Variants in TRANK1 observed in about 807,000 individuals in gnomAD.
TRANK1 encodes tetratricopeptide repeat and ankyrin repeat containing 1.
In TRANK1, 198 loss-of-function variants were observed where a neutral mutation model predicts 266.0. That is an observed-to-expected ratio of 0.74 (90% CI 0.66 to 0.84). TRANK1 has a LOEUF of 0.84. Among genes scored for constraint, TRANK1 ranks in the 40% least tolerant of loss-of-function variants. TRANK1 has a pLI of 0.00. For synonymous variants in TRANK1, 1,396 were observed against 1,384.1 expected (o/e 1.01, Z -0.19); for missense variants, 3,326 against 3,634.6 (o/e 0.92, Z 2.18).
chr3:36,888,474 T>C (rs2079639217), intron 8 of TRANK1, among the ~76,000 whole-genome samples: 2 of 152,234 alleles, frequency 1.3e-5, no homozygotes, highest in Admixed American at 6.5e-5. Flanking sequence ...AGGTAAATTA[T>C]ATAGTATATG....
chr3:36,879,781 A>AATATACAAAT lies in TRANK1; in HGVS notation c.908-5486_908-5485insATTTGTATAT, dbSNP rs1295088679. The stretch of plus-strand genomic sequence containing the variant: ...ATATAAATATATATAAATATATATA[A>AATATACAAAT]ATATGTAAATATATAAATATACAAA... On this transcript the variant is annotated intron_variant, in intron 8 of 23. Coordinates refer to ENST00000645898, the MANE Select transcript of TRANK1 (RefSeq NM_001329998.2). 2.1e-4 allele frequency among the ~76,000 whole-genome samples: 14 copies of AATATACAAAT among 67,672 alleles called. 1 individual carries two copies. Among genetic ancestry groups the AATATACAAAT allele is most frequent in the African/African-American group, 9.1e-4 (12 of 13,166 alleles). 44.4% of individuals were successfully genotyped at this position (67,672 alleles called of 152,430 possible).
chr3:36,837,185 G>A (rs1559417195), intron 20 of TRANK1, among the ~76,000 whole-genome samples: 1 of 152,312 alleles, frequency 6.6e-6, no homozygotes, highest in East Asian at 1.9e-4. Flanking sequence ...AAATGTTTAT[G>A]CAGGTGCCAC....
At position 36,925,764 on chromosome 3, in the gene TRANK1, T is replaced by G. The variant is rs1168924928; in HGVS notation, c.24-17310A>C. Among the ~76,000 whole-genome samples the G allele has an allele frequency of 2.0e-5, 3 of 152,214 alleles. No homozygotes were observed. In the East Asian group the frequency reaches 5.8e-4, roughly 29 times the overall value. ...CACCACCACACCCAGCTAATTTTTG[T>G]ATTTTGAGATGGGGTTTCACCATGT... On this transcript the variant is annotated intron_variant, in intron 1 of 23. Coordinates refer to ENST00000645898, the MANE Select transcript of TRANK1 (RefSeq NM_001329998.2).
rs755000515 is a variant in TRANK1 at position 36,856,715 on chromosome 3, C to T, written c.3007G>A (p.Glu1003Lys). The change falls in exon 13 of 24, where the codon GAG (glutamate) becomes AAG (lysine). Residue 1003 changes from glutamate (E) to lysine (K), a missense_variant. Coordinates refer to ENST00000645898, the MANE Select transcript of TRANK1 (RefSeq NM_001329998.2). ...GGATTGACATGCTCCCTGCCCTTCT[C>T]GGCCTCTGTGTCCTCCACATAGCAG... is the stretch of plus-strand genomic sequence containing the variant. ...PRCYVEDTEA[E>K]KGREHVNPEY... The T allele has an allele frequency of 8.1e-6, 13 of 1,613,928 alleles. No homozygotes were observed. The East Asian group carries it at 1.1e-4, about 14-fold the overall frequency.
intron 1 of TRANK1, among the ~76,000 whole-genome samples, chr3:36,924,801 C>G (rs1186589312): frequency 6.6e-6 from 1 of 152,156 alleles, no homozygotes; most frequent in Admixed American, 6.5e-5. Context: ...CACATGCTTG[C>G]CCCCTCTGCC....
chr3:36,853,089 G>T (rs1194054875), intron 13 of TRANK1, among the ~76,000 whole-genome samples: 1 of 152,124 alleles, frequency 6.6e-6, no homozygotes, highest in African/African-American at 2.4e-5. Context: ...CTGAAGTGAC[G>T]TTAATAGTGA....
rs2078646301 is a variant in TRANK1, at chr3:36,827,634, A to C, written c.*641T>G. The C allele has an allele frequency of 6.6e-6, 1 of 152,434 alleles. No individual in the cohort carries two copies. 9.4% of individuals were successfully genotyped at this position (152,434 alleles called of 1,614,324 possible). On this transcript the variant is annotated 3_prime_UTR_variant, in exon 24 of 24. Transcript: ENST00000645898. ...TGAGGTAGTCTAACTGTGACTTGGC[A>C]CAGGTAGCTAAGAATGATCACAAAA...
At chr3:36,846,928 T>C (rs889680089) in intron 16 of TRANK1, among the ~76,000 whole-genome samples, 15 of 152,324 alleles carry the variant, frequency 9.8e-5, no homozygotes, top group African/African-American at 3.6e-4. Flanking sequence ...TCAAAATTTC[T>C]GAACAAAGCT....
intron 14 of TRANK1, 92 bp downstream of exon 14, chr3:36,852,054 T>C: frequency 7.1e-7 from 1 of 1,410,916 alleles, no homozygotes; most frequent in Non-Finnish European, 9.4e-7. Context: ...GGACTATTTT[T>C]AATGCTACTT....
Position 36,922,980 on chromosome 3 carries a change from C to A in TRANK1, c.24-14526G>T, listed in dbSNP as rs549591241. Among the ~76,000 whole-genome samples the A allele has an allele frequency of 2.0e-5, 3 of 152,214 alleles. No homozygotes were observed. In the South Asian group the frequency reaches 6.2e-4, roughly 32 times the overall value. On this transcript the variant is annotated intron_variant, in intron 1 of 23. Coordinates refer to ENST00000645898, the MANE Select transcript of TRANK1 (RefSeq NM_001329998.2). ...CTATAAGTCTGTCTTTCTTCATGGTCCAGGACACACAGTGCTCCTGTGCAA... is the reference window on the plus strand; with the variant it reads ...CTATAAGTCTGTCTTTCTTCATGGTACAGGACACACAGTGCTCCTGTGCAA...
chr3:36,901,635 T>C lies in TRANK1; in HGVS notation c.282+1514A>G, dbSNP rs543010017. Among the ~76,000 whole-genome samples, 4 of 152,328 alleles carry C rather than the reference T, an allele frequency of 2.6e-5. No homozygotes were observed. In the South Asian group the frequency reaches 6.2e-4, roughly 24 times the overall value. Reference sequence around the variant, plus strand: ...CTCGTTAATCTGTCTCTTGTCAATCTGATTTGCAAGGCCTCAGCCACTGAA... The same window carrying C: ...CTCGTTAATCTGTCTCTTGTCAATCCGATTTGCAAGGCCTCAGCCACTGAA... On this transcript the variant is annotated intron_variant, in intron 3 of 23. Transcript: ENST00000645898.
intron 1 of TRANK1, among the ~76,000 whole-genome samples, chr3:36,919,020 A>G (rs2080177776): frequency 6.6e-6 from 1 of 152,226 alleles, no homozygotes; most frequent in African/African-American, 2.4e-5. Flanking sequence ...ATATTATGCA[A>G]TAAGGATATG....
intron 1 of TRANK1, among the ~76,000 whole-genome samples, chr3:36,916,793 G>A (rs1244130201): frequency 6.6e-6 from 1 of 151,606 alleles, no homozygotes; most frequent in East Asian, 1.9e-4. Flanking sequence ...TAAATGTATG[G>A]GTTTTTTTTG....
intron 1 of TRANK1, among the ~76,000 whole-genome samples, chr3:36,930,353 ATGAG>A (rs1312500698): frequency 6.6e-6 from 1 of 152,250 alleles, no homozygotes; most frequent in East Asian, 1.9e-4. Context: ...TGCCAACAAC[ATGAG>A]TGAGTCTGGA....
chr3:36,866,704 A>G (rs1338059245), intron 9 of TRANK1, among the ~76,000 whole-genome samples: 1 of 152,212 alleles, frequency 6.6e-6, no homozygotes, highest in Admixed American at 6.5e-5. Flanking sequence ...AAGAAGCAAG[A>G]GCAAAACAGC....
In TRANK1 at chr3:36,857,312, C is replaced by T. The variant is rs765758053; in HGVS notation, c.2410G>A (p.Asp804Asn). The T allele has an allele frequency of 6.2e-7, 1 of 1,608,936 alleles. No homozygotes were observed. The highest frequency in any genetic ancestry group is 1.7e-5 in the Admixed American group (1 of 59,630). Residue 804 changes from aspartate (D) to asparagine (N), a missense_variant, in exon 13 of 24, where the codon GAT becomes AAT. Physicochemically the swap from Asp to Asn is conservative, Grantham distance 23. Transcript: ENST00000645898. This position sits in a 1 kb window ranked among gnomAD's most constrained non-coding sequence, Gnocchi z 4.3. ...TCATTGCCCTCCTTCCCCCTGTTAT[C>T]ATCAGGCACAAGCTGCAAGGCCCCA... is the stretch of plus-strand genomic sequence containing the variant. The part of the protein sequence containing the change: ...GLGALQLVPD[D>N]NRGKEGNDDQ...
rs771383391 is a variant in TRANK1 at position 36,832,621 on chromosome 3, C to T, written c.6962G>A (p.Arg2321His). The T allele has an allele frequency of 6.2e-6, 10 of 1,613,888 alleles. No homozygotes were observed. In the East Asian group the frequency reaches 8.9e-5, roughly 14 times the overall value. ...IHFLFENESA[R>H]NRRESTDLWL... Reference sequence around the variant, plus strand: ...CAGGTCTGTGGATTCCCGGCGGTTGCGTGCGCTTTCATTTTCAAACAGAAA... The same window carrying T: ...CAGGTCTGTGGATTCCCGGCGGTTGTGTGCGCTTTCATTTTCAAACAGAAA... Residue 2321 changes from arginine to histidine, a missense_variant, in exon 22 of 24, where the codon CGC becomes CAC. Physicochemically the swap from Arg to His is conservative, Grantham distance 29. Transcript: ENST00000645898.
rs2079481457 is a variant in TRANK1 at position 36,879,882 on chromosome 3, ATGTAAACATG to A, written c.908-5596_908-5587del. On this transcript the variant is annotated intron_variant, in intron 8 of 23. Coordinates refer to ENST00000645898, the MANE Select transcript of TRANK1 (RefSeq NM_001329998.2). ...CAAATATATGTAAACATACAAATAT[ATGTAAACATG>A]CAAATATATGTAAACATGCAAATAT... Among the ~76,000 whole-genome samples, 3 of 90,100 alleles carry A rather than the reference ATGTAAACATG, an allele frequency of 3.3e-5. 1 individual carries two copies. The highest frequency in any genetic ancestry group is 4.1e-4 in the East Asian group (1 of 2,456). 59.1% of individuals were successfully genotyped at this position (90,100 alleles called of 152,430 possible). A position where few individuals can be genotyped will look rare whatever the true frequency, so the allele number is the denominator to read the frequency against.
Position 36,847,244 on chromosome 3 carries a change from A to G in TRANK1, c.4990T>C (p.Ser1664Pro), listed in dbSNP as rs1217853268. The change falls in exon 16 of 24, where the codon TCT (serine) becomes CCT (proline). Residue 1664 changes from serine (S) to proline (P), a missense_variant. Coordinates refer to ENST00000645898, the MANE Select transcript of TRANK1 (RefSeq NM_001329998.2). Reference protein sequence around the residue: ...LVEVPLDKPGSSQGRSLMVNP... With the variant: ...LVEVPLDKPGPSQGRSLMVNP... ...ACCATGAGAGATCGACCCTGAGAAG[A>G]GCCTGGTTTGTCCAGGGGTACTTCA... 1.2e-6 allele frequency: 2 copies of G among 1,613,472 alleles called. No individual in the cohort carries two copies. Among genetic ancestry groups the G allele is most frequent in the Non-Finnish European group, 1.7e-6 (2 of 1,179,720 alleles).
Sources: gnomAD v4.1 joint callset for allele counts (sites outside exome capture counted in the v4.1 genomes callset) on GRCh38, gnomAD v4.1.1 for gene constraint, Gnocchi (gnomAD v3.1) non-coding constraint, MANE v1.5 for transcripts, NCBI Gene and HGNC (gene_info 2026-07-23, HGNC 2026-07-21) for gene names.